The following NCKAP5 variants were observed in gnomAD, a reference collection of about 807,000 sequenced individuals.
NCKAP5 encodes NCK associated protein 5.
A neutral mutation model predicts 167.0 loss-of-function variants in NCKAP5; 92 were observed. The ratio of observed to expected loss-of-function variants is 0.55; its 90% CI spans 0.47 to 0.66. NCKAP5 has a LOEUF of 0.66. Among genes scored for constraint, NCKAP5 ranks in the 30% least tolerant of loss-of-function variants. The pLI, the probability that NCKAP5 is intolerant of heterozygous loss-of-function variation, is 0.00. For synonymous variants in NCKAP5, 891 were observed against 877.4 expected (o/e 1.02, Z -0.27); for missense variants, 2,378 against 2,315.0 (o/e 1.03, Z -0.56).
intron 19 of NCKAP5, among the ~76,000 whole-genome samples, chr2:132,720,215 C>T (rs368829716): frequency 6.6e-6 from 1 of 152,188 alleles, no homozygotes; most frequent in Non-Finnish European, 1.5e-5. Flanking sequence ...TCATGCCCAA[C>T]TTGGCAAATT....
rs374575639 is a variant in NCKAP5, at chr2:132,735,254, C to A, written c.5129-3203G>T. Among the ~76,000 whole-genome samples the A allele has an allele frequency of 2.2e-4, 33 of 152,266 alleles. 1 individual carries two copies. The South Asian group carries it at 6.6e-3, about 31-fold the overall frequency. On this transcript the variant is annotated intron_variant, in intron 16 of 19. Transcript: ENST00000409261. ...GCTACATCTCATGTTGAAATGTAAT[C>A]CCCAGTGTTGGAGCTGGAGGCTGGT...
intron 3 of NCKAP5, among the ~76,000 whole-genome samples, chr2:133,514,874 G>A (rs1683848373): frequency 6.6e-6 from 1 of 152,050 alleles, no homozygotes; most frequent in South Asian, 2.1e-4. Context: ...GCCTTAAGCA[G>A]TCTGCAAAGT....
chr2:133,193,698 A>G (rs1418258769), intron 5 of NCKAP5, among the ~76,000 whole-genome samples: 1 of 152,092 alleles, frequency 6.6e-6, no homozygotes, highest in Non-Finnish European at 1.5e-5. Flanking sequence ...ATGTAATTGT[A>G]TTAGAAGCTC....
At chr2:133,122,647 A>G (rs1175009628) in intron 6 of NCKAP5, 2 of 152,154 alleles carry the variant, frequency 1.3e-5, no homozygotes, top group African/African-American at 4.8e-5. Flanking sequence ...GAAATTTTTC[A>G]TCTAGGCTCG....
intron 6 of NCKAP5, among the ~76,000 whole-genome samples, chr2:133,091,744 G>T (rs1012869710): frequency 5.3e-5 from 8 of 151,964 alleles, no homozygotes; most frequent in Non-Finnish European, 8.8e-5. Context: ...AAAATTAGCC[G>T]GGCATGGTGG....
intron 5 of NCKAP5, among the ~76,000 whole-genome samples, chr2:133,142,484 T>C (rs1428966604): frequency 6.6e-6 from 1 of 152,136 alleles, no homozygotes. Flanking sequence ...GAAATTGTGT[T>C]CTCAGGTGCC....
chr2:133,109,955 C>T (rs962659811), intron 6 of NCKAP5, among the ~76,000 whole-genome samples: 3 of 152,132 alleles, frequency 2.0e-5, no homozygotes, highest in Non-Finnish European at 4.4e-5. Context: ...CTAGCTGACA[C>T]AAATTACTCA....
At chr2:133,544,839 C>G (rs1575132778) in intron 2 of NCKAP5, among the ~76,000 whole-genome samples, 1 of 152,300 alleles carries the variant, frequency 6.6e-6, no homozygotes, top group East Asian at 1.9e-4. Flanking sequence ...GAGAATGATG[C>G]CCACAACTTC....
intron 3 of NCKAP5, among the ~76,000 whole-genome samples, chr2:133,481,877 A>T (rs763112771): frequency 1.3e-5 from 2 of 152,156 alleles, no homozygotes; most frequent in Non-Finnish European, 2.9e-5. Context: ...CTTATAATAC[A>T]TATTTTAAAG....
At chr2:133,565,031 T>C (rs1452130511) in intron 1 of NCKAP5, among the ~76,000 whole-genome samples, 1 of 152,176 alleles carries the variant, frequency 6.6e-6, no homozygotes, top group Non-Finnish European at 1.5e-5. Context: ...CAGGGACACC[T>C]ACCTGCGGTG....
chr2:133,365,343 T>C (rs1041526795), intron 3 of NCKAP5, among the ~76,000 whole-genome samples: 23 of 152,204 alleles, frequency 1.5e-4, no homozygotes, highest in African/African-American at 5.5e-4. Flanking sequence ...AATGAACTTT[T>C]GGTGTATGTG....
intron 8 of NCKAP5, among the ~76,000 whole-genome samples, chr2:132,879,536 T>C (rs969661337): frequency 2.0e-5 from 3 of 152,198 alleles, no homozygotes; most frequent in Non-Finnish European, 4.4e-5. Context: ...ACATGTAGAA[T>C]AGTAAGGGGA....
At chr2:133,503,411 C>G (rs1056441200) in intron 3 of NCKAP5, among the ~76,000 whole-genome samples, 1 of 152,134 alleles carries the variant, frequency 6.6e-6, no homozygotes, top group African/African-American at 2.4e-5. Flanking sequence ...CAGAAGAAAA[C>G]AGAGGCTCAG....
chr2:133,342,255 G>C (rs1375911411), intron 3 of NCKAP5, among the ~76,000 whole-genome samples: 3 of 152,110 alleles, frequency 2.0e-5, no homozygotes, highest in African/African-American at 7.2e-5. Context: ...GGGAGGGGAG[G>C]GAACTAAGAT....
intron 11 of NCKAP5, among the ~76,000 whole-genome samples, chr2:132,833,524 G>A (rs1255378951): frequency 6.6e-6 from 1 of 152,128 alleles, no homozygotes; most frequent in Admixed American, 6.5e-5. Context: ...AATCCATCCT[G>A]AGTTGATTTT....
intron 19 of NCKAP5, among the ~76,000 whole-genome samples, chr2:132,717,901 G>C (rs761801040): frequency 3.9e-5 from 6 of 152,182 alleles, no homozygotes; most frequent in Non-Finnish European, 5.9e-5. Flanking sequence ...AGGCTGGAGA[G>C]GGCATGCTGG....
chr2:132,758,765 G>C (rs559136875), intron 16 of NCKAP5, among the ~76,000 whole-genome samples: 1 of 152,262 alleles, frequency 6.6e-6, no homozygotes, highest in East Asian at 1.9e-4. Flanking sequence ...CAGATCAGAC[G>C]AGCAAACCAA....
chr2:132,854,720 C>A (rs2105503847), intron 11 of NCKAP5, among the ~76,000 whole-genome samples: 1 of 152,290 alleles, frequency 6.6e-6, no homozygotes, highest in Non-Finnish European at 1.5e-5. Flanking sequence ...TAATTGTAGA[C>A]CACAGGCCCT....
Position 133,516,523 on chromosome 2 carries a change from T to C in NCKAP5, c.69+935A>G, listed in dbSNP as rs1684015149. On this transcript the variant is annotated intron_variant, in intron 3 of 19. Coordinates refer to ENST00000409261, the MANE Select transcript of NCKAP5 (RefSeq NM_207363.3). ...CTCAAGTCCCAGAAACTCACATCTATGAATAATTTGTGAGGCAGAGCCTCA... is the reference window on the plus strand; with the variant it reads ...CTCAAGTCCCAGAAACTCACATCTACGAATAATTTGTGAGGCAGAGCCTCA... Among the ~76,000 whole-genome samples the C allele has an allele frequency of 2.0e-5, 3 of 152,228 alleles. No homozygotes were observed. In the South Asian group the frequency reaches 6.2e-4, roughly 31 times the overall value.
Sources: gnomAD v4.1 joint callset for allele counts (sites outside exome capture counted in the v4.1 genomes callset) on GRCh38, gnomAD v4.1.1 for gene constraint, MANE v1.5 for transcripts, NCBI Gene and HGNC (gene_info 2026-07-23, HGNC 2026-07-21) for gene names.